Variants in DENND1B observed in about 807,000 individuals in gnomAD.
DENND1B encodes DENN domain-containing protein 1B.
A neutral mutation model predicts 90.1 loss-of-function variants in DENND1B; 59 were observed. The observed-to-expected ratio is 0.65, with a 90% confidence interval of 0.53 to 0.81. The LOEUF (loss-of-function observed/expected upper bound fraction) is 0.81. Among genes scored for constraint, DENND1B ranks in the 40% least tolerant of loss-of-function variants. The pLI, the probability that DENND1B is intolerant of heterozygous loss-of-function variation, is 0.00. For synonymous variants in DENND1B, 337 were observed against 324.6 expected, an observed-to-expected ratio of 1.04 and a Z score of -0.41; for missense variants, 862 against 912.6, an observed-to-expected ratio of 0.94 and a Z score of 0.71.
At chr1:197,707,042 AT>A (rs1168052407) in intron 3 of DENND1B, among the ~76,000 whole-genome samples, 21 of 152,352 alleles carry the variant, frequency 1.4e-4, no homozygotes, top group African/African-American at 4.8e-4. Context: ...GGATTAAAAA[AT>A]ATGGTATACA....
At chr1:197,724,633 C>T (rs1661465627) in intron 2 of DENND1B, among the ~76,000 whole-genome samples, 2 of 152,116 alleles carry the variant, frequency 1.3e-5, no homozygotes, top group South Asian at 4.1e-4. Context: ...TTATAACCAT[C>T]AGACACAAAG....
rs1558284715 is a variant in DENND1B, at chr1:197,595,213, T to G, written c.1042A>C (p.Lys348Gln). 1.9e-6 allele frequency: 3 copies of G among 1,611,014 alleles called. No individual in the cohort carries two copies. Among genetic ancestry groups the G allele is most frequent in the Non-Finnish European group, 1.7e-6 (2 of 1,178,618 alleles). Reference protein sequence around the residue: ...FGSYRDALRYKPGEPITFCEE... With the variant: ...FGSYRDALRYQPGEPITFCEE... Reference sequence around the variant, plus strand: ...TGATGAAACAAAACGCTTACAGGTTTGTATCTCAGTGCATCTCTGTAGGAT... The same window carrying G: ...TGATGAAACAAAACGCTTACAGGTTGGTATCTCAGTGCATCTCTGTAGGAT... The change falls in exon 14 of 23, where the codon AAA (lysine) becomes CAA (glutamine). Residue 348 changes from lysine (K) to glutamine (Q), a missense_variant. Lys to Gln is a moderately conservative substitution (Grantham distance 53). Coordinates refer to ENST00000620048, the MANE Select transcript of DENND1B (RefSeq NM_001195215.2).
intron 10 of DENND1B, among the ~76,000 whole-genome samples, chr1:197,634,999 G>C (rs182878121): frequency 4.1e-5 from 6 of 148,126 alleles, no homozygotes; most frequent in African/African-American, 1.5e-4. Context: ...TGCGTGAAAA[G>C]GAAGGAAGGA....
intron 3 of DENND1B, among the ~76,000 whole-genome samples, chr1:197,697,914 TACA>T (rs1225778704): frequency 6.6e-6 from 1 of 152,098 alleles, no homozygotes; most frequent in Non-Finnish European, 1.5e-5. Flanking sequence ...CCCAGATTCA[TACA>T]ACAAGTTCTT....
rs186743721 is a variant in DENND1B, at chr1:197,654,386, T to G, written c.367-2071A>C. Among the ~76,000 whole-genome samples the G allele has an allele frequency of 6.4e-3, 970 of 151,918 alleles. 4 individuals are homozygous for G. The highest frequency in any genetic ancestry group is 0.017 in the Middle Eastern group (5 of 294). ...CAGCACTTTGGGGGGCTGAGGTGGG[T>G]GGATCAAGAGGTCAGGAGTTTGAGA... On this transcript the variant is annotated intron_variant, in intron 6 of 22. Coordinates refer to ENST00000620048, the MANE Select transcript of DENND1B (RefSeq NM_001195215.2).
intron 2 of DENND1B, among the ~76,000 whole-genome samples, chr1:197,755,234 C>G (rs956973758): frequency 6.6e-6 from 1 of 152,206 alleles, no homozygotes; most frequent in Non-Finnish European, 1.5e-5. Context: ...GGTCACTTCA[C>G]TTTTCTGTGC....
chr1:197,764,170 G>C (rs574649384), intron 2 of DENND1B, among the ~76,000 whole-genome samples: 3 of 152,290 alleles, frequency 2.0e-5, no homozygotes, highest in South Asian at 4.1e-4. Flanking sequence ...ATAGAGACAA[G>C]TTCAAATCCT....
chr1:197,776,776 C>A (rs1657290634), upstream of DENND1B, among the ~76,000 whole-genome samples: 1 of 151,512 alleles, frequency 6.6e-6, no homozygotes, highest in Non-Finnish European at 1.5e-5. Flanking sequence ...TAGCCATGGG[C>A]CTGTTAGTAA....
At chr1:197,535,375 A>G (rs1669800395) in intron 20 of DENND1B, among the ~76,000 whole-genome samples, 1 of 152,176 alleles carries the variant, frequency 6.6e-6, no homozygotes. Flanking sequence ...CTGAAAGTAC[A>G]GTTAGTACCA....
At chr1:197,536,737 G>C (rs747738004) in intron 20 of DENND1B, among the ~76,000 whole-genome samples, 2 of 152,060 alleles carry the variant, frequency 1.3e-5, no homozygotes, top group Non-Finnish European at 2.9e-5. Flanking sequence ...TAAAAATTTT[G>C]CTATTAAGAT....
intron 2 of DENND1B, among the ~76,000 whole-genome samples, chr1:197,751,781 T>C (rs778889160): frequency 5.3e-5 from 8 of 150,272 alleles, no homozygotes; most frequent in Non-Finnish European, 1.2e-4. Context: ...GAGGCGGAGG[T>C]TGCAGTGAGC....
chr1:197,675,277 A>C (rs1363908326), intron 3 of DENND1B, among the ~76,000 whole-genome samples: 1 of 152,162 alleles, frequency 6.6e-6, no homozygotes, highest in Non-Finnish European at 1.5e-5. Context: ...CGTATACATA[A>C]ATATAGCATT....
chr1:197,667,605 T>G (rs1236020106), intron 5 of DENND1B, among the ~76,000 whole-genome samples: 1 of 152,056 alleles, frequency 6.6e-6, no homozygotes, highest in Non-Finnish European at 1.5e-5. Flanking sequence ...AATTTTTGTA[T>G]TTTTAGTAGA....
intron 10 of DENND1B, among the ~76,000 whole-genome samples, chr1:197,639,818 T>C (rs1680117344): frequency 6.6e-6 from 1 of 152,152 alleles, no homozygotes; most frequent in Non-Finnish European, 1.5e-5. Flanking sequence ...ATGGAATTTA[T>C]AGCAGATATA....
chr1:197,758,805 T>C (rs1387492758), intron 2 of DENND1B, among the ~76,000 whole-genome samples: 3 of 152,104 alleles, frequency 2.0e-5, no homozygotes, highest in Admixed American at 6.5e-5. Context: ...TCACAGTCCA[T>C]TAAAGCATAA....
intron 2 of DENND1B, among the ~76,000 whole-genome samples, chr1:197,727,169 G>A (rs1385955087): frequency 6.6e-6 from 1 of 152,014 alleles, no homozygotes; most frequent in Non-Finnish European, 1.5e-5. Flanking sequence ...TTCCTTGAAG[G>A]GGCAGAAAAC....
intron 12 of DENND1B, among the ~76,000 whole-genome samples, 184 bp from the exon 13 acceptor site, chr1:197,607,358 G>A (rs539308867): frequency 3.3e-5 from 5 of 150,744 alleles, no homozygotes; most frequent in Admixed American, 2.0e-4. Flanking sequence ...CAACTCATAC[G>A]AAAAGATTTA....
chr1:197,541,496 A>G (rs541296342), intron 18 of DENND1B, among the ~76,000 whole-genome samples: 1 of 152,334 alleles, frequency 6.6e-6, no homozygotes, highest in African/African-American at 2.4e-5. Flanking sequence ...TTTCATATAT[A>G]GTTTTTCTGG....
At chr1:197,618,304 G>A (rs998402561) in intron 10 of DENND1B, among the ~76,000 whole-genome samples, 2 of 151,058 alleles carry the variant, frequency 1.3e-5, no homozygotes, top group African/African-American at 2.4e-5. Flanking sequence ...TGCGGGTTAC[G>A]GTATCAAGAG....
Sources: allele counts gnomAD v4.1 joint callset (sites outside exome capture counted in the v4.1 genomes callset), GRCh38; gene constraint gnomAD v4.1.1; transcripts MANE v1.5; gene names NCBI Gene and HGNC (gene_info 2026-07-23, HGNC 2026-07-21).